GRM1: variants seen among roughly 807,000 people sequenced by gnomAD.
GRM1 encodes metabotropic glutamate receptor 1.
GRM1 carries 33 observed loss-of-function variants against 90.9 expected under a neutral mutation model. That is an observed-to-expected ratio of 0.36 (90% CI 0.28 to 0.49). The LOEUF is 0.49. Among genes scored for constraint, GRM1 ranks in the 20% least tolerant of loss-of-function variants. GRM1 has a pLI of 0.99. For missense variants in GRM1, 1,190 were observed against 1,534.3 expected, an observed-to-expected ratio of 0.78 and a Z score of 3.75; for synonymous variants, 700 against 613.2, an observed-to-expected ratio of 1.14 and a Z score of -2.09.
chr6:146,320,336 C>T (rs1784129800), intron 3 of GRM1, among the ~76,000 whole-genome samples: 1 of 152,114 alleles, frequency 6.6e-6, no homozygotes, highest in African/African-American at 2.4e-5. Flanking sequence ...TCTGGATAAG[C>T]TTTTTGATGT....
intron 3 of GRM1, among the ~76,000 whole-genome samples, chr6:146,324,023 C>A (rs1784305244): frequency 6.6e-6 from 1 of 152,180 alleles, no homozygotes; most frequent in South Asian, 2.1e-4. Flanking sequence ...AATCAGGTAG[C>A]ATGATGCCTC....
intron 1 of GRM1, among the ~76,000 whole-genome samples, chr6:146,087,086 C>T (rs1039554868): frequency 1.1e-4 from 17 of 152,018 alleles, no homozygotes; most frequent in African/African-American, 3.6e-4. Context: ...TTTATGTTAT[C>T]CAGTTTTTCT....
intron 1 of GRM1, among the ~76,000 whole-genome samples, chr6:146,098,975 G>A (rs1582999614): frequency 1.3e-5 from 2 of 152,136 alleles, no homozygotes; most frequent in East Asian, 1.9e-4. Flanking sequence ...ATAGCAGTGT[G>A]AAAATGGACT....
intron 2 of GRM1, among the ~76,000 whole-genome samples, chr6:146,206,499 G>A (rs558383401): frequency 2.6e-4 from 39 of 152,100 alleles, no homozygotes; most frequent in Non-Finnish European, 4.3e-4. Flanking sequence ...TAGGGTCTCA[G>A]GGAGCTTGAT....
chr6:146,222,800 CA>C (rs1780115166), intron 2 of GRM1, among the ~76,000 whole-genome samples: 1 of 151,998 alleles, frequency 6.6e-6, no homozygotes, highest in Non-Finnish European at 1.5e-5. Context: ...ATCACAAAAA[CA>C]AATGAGTTTC....
intron 2 of GRM1, among the ~76,000 whole-genome samples, chr6:146,161,006 A>G (rs1382818794): frequency 6.6e-6 from 1 of 152,132 alleles, no homozygotes; most frequent in Non-Finnish European, 1.5e-5. Flanking sequence ...TTAAATAAGA[A>G]ATGTTATTTC....
intron 1 of GRM1, among the ~76,000 whole-genome samples, chr6:146,066,307 T>G (rs981063322): frequency 6.6e-6 from 1 of 152,220 alleles, no homozygotes; most frequent in Non-Finnish European, 1.5e-5. Flanking sequence ...CATTTATAAG[T>G]GAGAACACAT....
At chr6:146,042,828 C>T (rs909638074) in intron 1 of GRM1, among the ~76,000 whole-genome samples, 1 of 151,876 alleles carries the variant, frequency 6.6e-6, no homozygotes, top group African/African-American at 2.4e-5. Context: ...ACCTACTGGC[C>T]CAATGTCCAA....
At position 146,065,301 on chromosome 6, in the gene GRM1, G is replaced by C. The variant is rs550038326; in HGVS notation, c.700+35084G>C. Among the ~76,000 whole-genome samples the C allele has an allele frequency of 2.0e-5, 3 of 152,282 alleles. No individual in the cohort carries two copies. The South Asian group carries it at 6.2e-4, about 32-fold the overall frequency. The stretch of plus-strand genomic sequence containing the variant: ...TATGTGTGAACCACGTTCAGATCTA[G>C]CTGTACTCAGTGTCTCAAAACCACA... On this transcript the variant is annotated intron_variant, in intron 1 of 7. Transcript: ENST00000282753.
At chr6:146,137,200 G>A (rs991987632) in intron 1 of GRM1, among the ~76,000 whole-genome samples, 8 of 152,052 alleles carry the variant, frequency 5.3e-5, no homozygotes, top group African/African-American at 7.2e-5. Flanking sequence ...TTTTTGCTTC[G>A]GTTGCCTATT....
chr6:146,196,291 A>ATTTT (rs35847536), intron 2 of GRM1, among the ~76,000 whole-genome samples: 75 of 136,624 alleles, frequency 5.5e-4, no homozygotes, highest in African/African-American at 1.9e-3. Context: ...AGTGCAGTGG[A>ATTTT]TTTTTTTTTT....
intron 2 of GRM1, among the ~76,000 whole-genome samples, chr6:146,180,024 C>G (rs573903457): frequency 6.6e-6 from 1 of 152,066 alleles, no homozygotes; most frequent in South Asian, 2.1e-4. Flanking sequence ...TGGTGTGCAC[C>G]TGTGGCCCCA....
rs537358992 is a variant in GRM1 at position 146,050,659 on chromosome 6, TG to T, written c.700+20443del. Among the ~76,000 whole-genome samples, 270 of 152,184 alleles carry T rather than the reference TG, an allele frequency of 1.8e-3. 1 individual carries two copies. The highest frequency in any genetic ancestry group is 6.2e-3 in the African/African-American group (257 of 41,574). ...TGGGAGTTTACTGCATTTTGAAATT[TG>T]ACAATACTCTTAGCTGCTCATTCTC... On this transcript the variant is annotated intron_variant, in intron 1 of 7. Transcript: ENST00000282753.
intron 1 of GRM1, among the ~76,000 whole-genome samples, chr6:146,046,839 A>G (rs1011348512): frequency 2.6e-5 from 4 of 151,950 alleles, no homozygotes; most frequent in African/African-American, 4.8e-5. Context: ...AGGGCTAGAG[A>G]AAGGATTATT....
intron 7 of GRM1, among the ~76,000 whole-genome samples, chr6:146,404,890 T>C (rs1381284769): frequency 6.6e-6 from 1 of 152,150 alleles, no homozygotes; most frequent in Non-Finnish European, 1.5e-5. Flanking sequence ...AGTGCCACAG[T>C]AATCCAATAA....
chr6:146,286,147 T>C (rs1334619196), intron 2 of GRM1, among the ~76,000 whole-genome samples: 1 of 152,158 alleles, frequency 6.6e-6, no homozygotes, highest in East Asian at 1.9e-4. Flanking sequence ...TTTAAAAATA[T>C]TCAATTTAAA....
chr6:146,119,925 T>C (rs1354169033), intron 1 of GRM1, among the ~76,000 whole-genome samples: 1 of 152,124 alleles, frequency 6.6e-6, no homozygotes, highest in African/African-American at 2.4e-5. Context: ...GCAATGTGGG[T>C]TCTTTTTTGG....
Position 146,307,743 on chromosome 6 carries a change from T to C in GRM1, c.1186+2897T>C, listed in dbSNP as rs190853784. 3.3e-5 allele frequency among the ~76,000 whole-genome samples: 5 copies of C among 152,300 alleles called. 1 individual carries two copies. Among genetic ancestry groups the C allele is most frequent in the Admixed American group, 3.3e-4 (5 of 15,292 alleles). ...TCTAATTGGGTCACTTCTAGTGGTT[T>C]GGAAAGTTTTGATATTGCTATTAGT... On this transcript the variant is annotated intron_variant, in intron 3 of 7. Coordinates refer to ENST00000282753, the MANE Select transcript of GRM1 (RefSeq NM_001278064.2).
At chr6:146,410,119 T>C (rs1208319984) in intron 7 of GRM1, among the ~76,000 whole-genome samples, 1 of 152,168 alleles carries the variant, frequency 6.6e-6, no homozygotes, top group Non-Finnish European at 1.5e-5. Flanking sequence ...TAAAAGTACA[T>C]TAAAAGAAAT....
Sources: gnomAD v4.1 joint callset for allele counts (sites outside exome capture counted in the v4.1 genomes callset) on GRCh38, gnomAD v4.1.1 for gene constraint, MANE v1.5 for transcripts, NCBI Gene and HGNC (gene_info 2026-07-23, HGNC 2026-07-21) for gene names.